FANCC: variants seen among roughly 807,000 people sequenced by gnomAD.
The protein encoded by FANCC is FA complementation group C, also known as Fanconi anemia group C protein.
In FANCC, 55 loss-of-function variants were observed where a neutral mutation model predicts 71.3. The observed-to-expected ratio is 0.77, with a 90% CI of 0.62 to 0.97. The LOEUF (loss-of-function observed/expected upper bound fraction) is 0.97, where lower values mean the gene tolerates loss of function less well. Ranked by LOEUF, FANCC falls within the 50% of genes least tolerant of loss-of-function variation. The pLI is 0.00. For synonymous variants in FANCC, 275 were observed against 244.9 expected (o/e 1.12, Z -1.15); for missense variants, 678 against 670.9 (o/e 1.01, Z -0.12).
intron 1 of FANCC, among the ~76,000 whole-genome samples, chr9:95,262,635 G>T (rs1325721672): frequency 1.3e-5 from 2 of 152,246 alleles, no homozygotes; most frequent in Non-Finnish European, 1.5e-5. Flanking sequence ...ATACCCAAAA[G>T]AATTAAAAGC....
intron 6 of FANCC, among the ~76,000 whole-genome samples, chr9:95,153,899 C>T (rs902411254): frequency 6.6e-6 from 1 of 152,084 alleles, no homozygotes; most frequent in African/African-American, 2.4e-5. Flanking sequence ...CTAATTAATT[C>T]TTTAGTACTT....
intron 4 of FANCC, among the ~76,000 whole-genome samples, chr9:95,237,045 C>T (rs528420769): frequency 1.3e-5 from 2 of 152,178 alleles, no homozygotes; most frequent in South Asian, 4.2e-4. Context: ...TGATGATGGG[C>T]AATGTAATTA....
intron 12 of FANCC, among the ~76,000 whole-genome samples, chr9:95,112,998 T>C (rs1256552792): frequency 6.6e-6 from 1 of 152,190 alleles, no homozygotes; most frequent in Admixed American, 6.5e-5. Flanking sequence ...GCACAACATG[T>C]CTCAATCACA....
chr9:95,279,581 GATATACAGAAAAAGTAAAAGTTCAGAC>G (rs1432904517), intron 1 of FANCC, among the ~76,000 whole-genome samples: 3 of 151,492 alleles, frequency 2.0e-5, no homozygotes, highest in Non-Finnish European at 4.4e-5. Context: ...AAAAAGACGA[GATATACAGAAAAAGTAAAAGTTCAGAC>G]ATAAAGCCAA....
At chr9:95,221,674 A>C (rs1219340424) in intron 4 of FANCC, among the ~76,000 whole-genome samples, 1 of 152,236 alleles carries the variant, frequency 6.6e-6, no homozygotes, top group Non-Finnish European at 1.5e-5. Flanking sequence ...GTAGTCTTAC[A>C]CACCTTAAGA....
At chr9:95,187,502 T>C (rs1328974061) in intron 4 of FANCC, among the ~76,000 whole-genome samples, 2 of 152,236 alleles carry the variant, frequency 1.3e-5, no homozygotes, top group Non-Finnish European at 2.9e-5. Flanking sequence ...AGTCAGCGTT[T>C]CTCAGGATGT....
chr9:95,248,437 T>C (rs1265140816), intron 2 of FANCC, among the ~76,000 whole-genome samples: 1 of 152,196 alleles, frequency 6.6e-6, no homozygotes, highest in Non-Finnish European at 1.5e-5. Context: ...TAAAGACATA[T>C]GAACTCATAT....
At chr9:95,126,506 A>G in intron 9 of FANCC, 23 bp downstream of exon 9, 10 of 1,609,222 alleles carry the variant, frequency 6.2e-6, no homozygotes, top group Non-Finnish European at 8.5e-6. Flanking sequence ...ATCAATTACT[A>G]GAAGAAACAG....
intron 13 of FANCC, chr9:95,110,849 A>AAAAT (rs1485794662): frequency 1.7e-6 from 2 of 1,175,148 alleles, no homozygotes; most frequent in Non-Finnish European, 2.1e-6. Flanking sequence ...TATTCCACAT[A>AAAAT]AAATAACAAC....
chr9:95,282,864 A>T (rs1279159603), intron 1 of FANCC, among the ~76,000 whole-genome samples: 2 of 152,220 alleles, frequency 1.3e-5, no homozygotes, highest in Non-Finnish European at 2.9e-5. Context: ...AGAGAAATTT[A>T]AAAATATCCT....
chr9:95,178,040 T>A (rs1289937276), intron 4 of FANCC, among the ~76,000 whole-genome samples: 1 of 152,200 alleles, frequency 6.6e-6, no homozygotes, highest in African/African-American at 2.4e-5. Flanking sequence ...AAGATTATTT[T>A]TTGCTTTTTT....
intron 6 of FANCC, among the ~76,000 whole-genome samples, 183 bp from the exon 7 acceptor site, chr9:95,150,270 T>C (rs1830105272): frequency 6.6e-6 from 1 of 152,226 alleles, no homozygotes; most frequent in Non-Finnish European, 1.5e-5. Flanking sequence ...AAGAAATCTT[T>C]TAGCTACCAT....
intron 1 of FANCC, chr9:95,293,175 G>T: frequency 6.2e-7 from 1 of 1,612,456 alleles, no homozygotes; most frequent in Non-Finnish European, 8.5e-7. Flanking sequence ...ACACTGACAA[G>T]CAGACTCTTT....
At chr9:95,150,144 C>T (rs1421372703) in intron 6 of FANCC, 57 bp from the exon 7 acceptor site, 8 of 1,591,550 alleles carry the variant, frequency 5.0e-6, no homozygotes, top group Non-Finnish European at 6.9e-6. Context: ...TAATTAAGGA[C>T]ATATAAAAAC....
chr9:95,189,107 C>G (rs191210757), intron 4 of FANCC, among the ~76,000 whole-genome samples: 1 of 152,110 alleles, frequency 6.6e-6, no homozygotes. Context: ...TATTCCCATC[C>G]CTTTTGCAGT....
At chr9:95,163,277 T>G (rs923409510) in intron 6 of FANCC, among the ~76,000 whole-genome samples, 5 of 152,342 alleles carry the variant, frequency 3.3e-5, no homozygotes, top group African/African-American at 1.2e-4. Flanking sequence ...CTCTCTATTC[T>G]GTTTTAATGG....
intron 4 of FANCC, among the ~76,000 whole-genome samples, chr9:95,210,165 A>G (rs567406562): frequency 6.6e-6 from 1 of 152,308 alleles, no homozygotes; most frequent in East Asian, 1.9e-4. Context: ...TTATGACTAA[A>G]TCAATACATA....
rs773045474 is a variant in FANCC at position 95,249,293 on chromosome 9, T to C, written c.-2A>G. 38 of 1,614,026 alleles carry C rather than the reference T, an allele frequency of 2.4e-5. No individual in the cohort carries two copies. Among genetic ancestry groups the C allele is most frequent in the Admixed American group, 3.3e-5 (2 of 60,010 alleles). ...AAGATCTACTGAATCTTGAGCCATCTTGGAAAAAGCGAAAAGGTGATGTCC... is the reference window on the plus strand; with the variant it reads ...AAGATCTACTGAATCTTGAGCCATCCTGGAAAAAGCGAAAAGGTGATGTCC... On this transcript the variant is annotated 5_prime_UTR_variant, in exon 2 of 15. Coordinates refer to ENST00000289081, the MANE Select transcript of FANCC (RefSeq NM_000136.3).
chr9:95,290,937 T>C (rs1833960941), intron 1 of FANCC, among the ~76,000 whole-genome samples: 1 of 152,212 alleles, frequency 6.6e-6, no homozygotes, highest in South Asian at 2.1e-4. Context: ...CGCCAATCTA[T>C]GAAGATGATA....
Sources: gnomAD v4.1 joint callset for allele counts (sites outside exome capture counted in the v4.1 genomes callset) on GRCh38, gnomAD v4.1.1 for gene constraint, MANE v1.5 for transcripts, NCBI Gene and HGNC (gene_info 2026-07-23, HGNC 2026-07-21) for gene names.